CSMD1: variants seen among roughly 807,000 people sequenced by gnomAD.
CSMD1 encodes CUB and sushi domain-containing protein 1.
In CSMD1, 213 loss-of-function variants were observed where a neutral mutation model predicts 417.5. That is an observed-to-expected ratio of 0.51 (90% CI 0.46 to 0.57). The LOEUF (loss-of-function observed/expected upper bound fraction) is 0.57. Ranked by LOEUF, CSMD1 falls within the 20% of genes least tolerant of loss-of-function variation. The pLI is 0.00. For missense variants in CSMD1, 6,923 were observed against 4,529.7 expected (o/e 1.53, Z -15.17); for synonymous variants, 2,862 against 1,736.8 (o/e 1.65, Z -16.11).
chr8:3,330,714 T>A (rs534293609), intron 23 of CSMD1, among the ~76,000 whole-genome samples: 1 of 152,246 alleles, frequency 6.6e-6, no homozygotes, highest in East Asian at 1.9e-4. Context: ...TTTACCCAAA[T>A]AACAAACCTG....
In CSMD1 at chr8:3,229,468, A is replaced by G. The variant is rs577526154; in HGVS notation, c.4345+572T>C. ...TTGTGATAAATTGTCTCAGGTGGCT[A>G]TTCAAGCCAAAGTCTGCAAAATCAT... On this transcript the variant is annotated intron_variant, in intron 27 of 69. Transcript: ENST00000635120. 5.3e-5 allele frequency among the ~76,000 whole-genome samples: 8 copies of G among 152,330 alleles called. No homozygotes were observed. The South Asian group carries it at 1.7e-3, about 32-fold the overall frequency.
intron 1 of CSMD1, among the ~76,000 whole-genome samples, chr8:4,926,370 T>C (rs73510048): frequency 6.6e-6 from 1 of 152,206 alleles, no homozygotes; most frequent in African/African-American, 2.4e-5. Context: ...GAACTCTTTA[T>C]CTTTACGATA....
At chr8:3,871,790 AGTT>A (rs1347005163) in intron 5 of CSMD1, among the ~76,000 whole-genome samples, 1 of 152,208 alleles carries the variant, frequency 6.6e-6, no homozygotes, top group African/African-American at 2.4e-5. Context: ...TAAATGTAAG[AGTT>A]GTTGATGTGA....
At chr8:4,640,643 C>A (rs567754692) in intron 1 of CSMD1, among the ~76,000 whole-genome samples, 1 of 152,062 alleles carries the variant, frequency 6.6e-6, no homozygotes, top group Admixed American at 6.6e-5. Context: ...CAGCTTCAAA[C>A]AAGTGGATTA....
chr8:4,126,401 A>ATTTGG (rs1802767784), intron 3 of CSMD1, among the ~76,000 whole-genome samples: 2 of 152,174 alleles, frequency 1.3e-5, no homozygotes, highest in Non-Finnish European at 2.9e-5. Flanking sequence ...ATGGTGCCAA[A>ATTTGG]CACCCATCAC....
intron 3 of CSMD1, among the ~76,000 whole-genome samples, chr8:4,262,842 C>G (rs551833900): frequency 2.0e-5 from 3 of 152,242 alleles, no homozygotes; most frequent in East Asian, 3.9e-4. Flanking sequence ...TGGCTTTAAT[C>G]AAAACTGTCT....
intron 3 of CSMD1, among the ~76,000 whole-genome samples, chr8:4,207,945 G>C (rs1028043196): frequency 9.2e-5 from 14 of 151,992 alleles, no homozygotes; most frequent in African/African-American, 2.7e-4. Context: ...CCATGCCTAA[G>C]AATTTATCTT....
At chr8:4,182,896 G>C (rs902146112) in intron 3 of CSMD1, among the ~76,000 whole-genome samples, 1 of 152,120 alleles carries the variant, frequency 6.6e-6, no homozygotes, top group Non-Finnish European at 1.5e-5. Flanking sequence ...ATGTTTGAAT[G>C]GGAGAATGTA....
At chr8:3,963,476 A>C (rs560884600) in intron 5 of CSMD1, among the ~76,000 whole-genome samples, 6 of 152,310 alleles carry the variant, frequency 3.9e-5, no homozygotes, top group African/African-American at 1.4e-4. Flanking sequence ...CTCATAACTG[A>C]ACATTATGCA....
chr8:4,149,237 A>T (rs1166837622), intron 3 of CSMD1, among the ~76,000 whole-genome samples: 1 of 152,134 alleles, frequency 6.6e-6, no homozygotes, highest in Non-Finnish European at 1.5e-5. Context: ...CTGCTGAGAT[A>T]ACAGGCATAA....
intron 2 of CSMD1, among the ~76,000 whole-genome samples, chr8:4,467,660 A>C (rs1043405943): frequency 7.9e-5 from 12 of 152,230 alleles, no homozygotes; most frequent in Non-Finnish European, 1.0e-4. Context: ...TTTCTTGTCC[A>C]CATGAACCAA....
chr8:3,987,045 G>A (rs527835009), intron 5 of CSMD1, among the ~76,000 whole-genome samples: 20 of 152,216 alleles, frequency 1.3e-4, no homozygotes, highest in Admixed American at 9.2e-4. Context: ...GTGAATCACC[G>A]CATCCATCCA....
At chr8:4,298,341 C>G (rs182748260) in intron 3 of CSMD1, among the ~76,000 whole-genome samples, 27 of 152,250 alleles carry the variant, frequency 1.8e-4, no homozygotes, top group African/African-American at 6.5e-4. Context: ...CAAAAACGCT[C>G]CATGACATCA....
rs57461657 is a variant in CSMD1, at chr8:2,949,415, A to AAGAAAAGAAG, written c.10315-30_10315-29insCTTCTTTTCT. 85 of 1,281,354 alleles carry AAGAAAAGAAG rather than the reference A, an allele frequency of 6.6e-5. 1 individual carries two copies. Among genetic ancestry groups the AAGAAAAGAAG allele is most frequent in the Non-Finnish European group, 9.5e-5 (85 of 894,896 alleles). 79.4% of individuals were successfully genotyped at this position (1,281,354 alleles called of 1,614,324 possible). A position where few individuals can be genotyped will look rare whatever the true frequency, so the allele number is the denominator to read the frequency against. On this transcript the variant is annotated intron_variant, in intron 67 of 69. Transcript: ENST00000635120. Reference sequence around the variant, plus strand: ...ACACATAGGAAAGAAAAGAAAAGAAATAAAAAGGTATACGAAGGGATGAAT... The same window carrying AAGAAAAGAAG: ...ACACATAGGAAAGAAAAGAAAAGAAAAGAAAAGAAGTAAAAAGGTATACGAAGGGATGAAT...
At position 4,346,652 on chromosome 8, in the gene CSMD1, T is replaced by C. The variant is rs182917138; in HGVS notation, c.415+73301A>G. ...AAAAAATGGTAAGTGAAATCTTCATTGCAATTTTGAATTTTTTTTCTAATT... is the reference window on the plus strand; with the variant it reads ...AAAAAATGGTAAGTGAAATCTTCATCGCAATTTTGAATTTTTTTTCTAATT... On this transcript the variant is annotated intron_variant, in intron 3 of 69. Transcript: ENST00000635120. Among the ~76,000 whole-genome samples the C allele has an allele frequency of 1.9e-3, 291 of 152,328 alleles. 1 individual carries two copies. Among genetic ancestry groups the C allele is most frequent in the Admixed American group, 3.3e-3 (51 of 15,298 alleles).
chr8:3,735,257 C>T (rs746013744), intron 6 of CSMD1, among the ~76,000 whole-genome samples: 12 of 152,080 alleles, frequency 7.9e-5, no homozygotes, highest in Non-Finnish European at 1.6e-4. Flanking sequence ...TGATATTACT[C>T]AACACAGATC....
chr8:3,517,537 G>C (rs988308190), intron 10 of CSMD1, among the ~76,000 whole-genome samples: 1 of 152,144 alleles, frequency 6.6e-6, no homozygotes, highest in African/African-American at 2.4e-5. Flanking sequence ...ACAAGTCCCT[G>C]GGAGAATGGG....
intron 49 of CSMD1, among the ~76,000 whole-genome samples, chr8:3,064,667 C>T (rs898405621): frequency 3.9e-5 from 6 of 152,070 alleles, no homozygotes; most frequent in African/African-American, 1.4e-4. Context: ...GTAAGCAAAC[C>T]AGCTGCTGAG....
rs529531747 is a variant in CSMD1, at chr8:3,690,128, A to T, written c.1009+18286T>A. Among the ~76,000 whole-genome samples the T allele has an allele frequency of 3.3e-5, 5 of 152,254 alleles. No homozygotes were observed. In the East Asian group the frequency reaches 9.7e-4, roughly 30 times the overall value. On this transcript the variant is annotated intron_variant, in intron 7 of 69. Coordinates refer to ENST00000635120, the MANE Select transcript of CSMD1 (RefSeq NM_033225.6). ...AATCCCAGCACTTTAGGAGGCTGAG[A>T]CCGGAGGATCACTTAAGCCCAGGAG...
Sources: allele counts gnomAD v4.1 joint callset (sites outside exome capture counted in the v4.1 genomes callset), GRCh38; gene constraint gnomAD v4.1.1; transcripts MANE v1.5; gene names NCBI Gene and HGNC (gene_info 2026-07-23, HGNC 2026-07-21).